RIMS1: variants seen among roughly 807,000 people sequenced by gnomAD.
RIMS1 encodes the protein regulating synaptic membrane exocytosis protein 1.
A neutral mutation model predicts 214.1 loss-of-function variants in RIMS1; 83 were observed. The observed-to-expected ratio is 0.39, with a 90% CI of 0.32 to 0.47. RIMS1 has a LOEUF of 0.47. Ranked by LOEUF, RIMS1 falls within the 20% of genes least tolerant of loss-of-function variation. RIMS1 has a pLI of 0.99. For synonymous variants in RIMS1, 793 were observed against 786.8 expected (o/e 1.01, Z -0.13); for missense variants, 2,050 against 2,161.8 (o/e 0.95, Z 1.03).
chr6:72,187,201 A>T (rs1484712484), intron 6 of RIMS1, among the ~76,000 whole-genome samples: 1 of 151,576 alleles, frequency 6.6e-6, no homozygotes, highest in African/African-American at 2.4e-5. Context: ...GAAGGAAGGG[A>T]GGGCTCATTT....
intron 6 of RIMS1, among the ~76,000 whole-genome samples, chr6:72,232,860 T>C (rs2062529195): frequency 6.6e-6 from 1 of 151,836 alleles, no homozygotes; most frequent in South Asian, 2.1e-4. Flanking sequence ...CCTATGATCT[T>C]TACAGGCATC....
At chr6:72,240,681 A>G (rs935407793) in intron 9 of RIMS1, among the ~76,000 whole-genome samples, 1 of 142,380 alleles carries the variant, frequency 7.0e-6, no homozygotes, top group Non-Finnish European at 1.5e-5. Context: ...TGCCTATTTG[A>G]AAAGCTTTTC....
intron 6 of RIMS1, among the ~76,000 whole-genome samples, chr6:72,228,879 TG>T (rs1241355378): frequency 6.6e-6 from 1 of 151,930 alleles, no homozygotes; most frequent in Non-Finnish European, 1.5e-5. Flanking sequence ...TTTCTCATTG[TG>T]GTTTTGATTT....
At chr6:72,219,417 AC>A (rs1232970530) in intron 6 of RIMS1, among the ~76,000 whole-genome samples, 6 of 152,160 alleles carry the variant, frequency 3.9e-5, no homozygotes, top group Admixed American at 6.5e-5. Flanking sequence ...TGGGTCAATT[AC>A]TTGCAGAAGT....
chr6:72,247,535 C>CA (rs10717559), intron 11 of RIMS1, among the ~76,000 whole-genome samples: 23,478 of 103,888 alleles, frequency 0.23, 2,806 homozygotes, highest in Non-Finnish European at 0.3. Flanking sequence ...AACTCTGTCT[C>CA]AAAAAAAAAA....
chr6:71,975,092 A>AT (rs1796816573), intron 2 of RIMS1, among the ~76,000 whole-genome samples: 2 of 152,192 alleles, frequency 1.3e-5, no homozygotes, highest in South Asian at 2.1e-4. Flanking sequence ...ATATCGAGAC[A>AT]TAAGTGTTAT....
chr6:72,005,220 A>G (rs1807016273), intron 2 of RIMS1, among the ~76,000 whole-genome samples: 2 of 152,184 alleles, frequency 1.3e-5, no homozygotes, highest in South Asian at 2.1e-4. Flanking sequence ...GTTCTGTTCC[A>G]TTGGTCTATA....
At chr6:72,183,379 G>A (rs2001428) in intron 6 of RIMS1, among the ~76,000 whole-genome samples, 1,710 of 152,210 alleles carry the variant, frequency 0.011, 10 homozygotes, top group Non-Finnish European at 0.017. Flanking sequence ...AAAGTTCTTG[G>A]TGATTTTGCA....
chr6:72,395,941 A>G (rs1418983646), intron 31 of RIMS1, among the ~76,000 whole-genome samples: 1 of 151,826 alleles, frequency 6.6e-6, no homozygotes, highest in Non-Finnish European at 1.5e-5. Context: ...AAAATGTAAC[A>G]ATAAAAATTA....
At chr6:72,268,876 A>C (rs546451751) in intron 22 of RIMS1, among the ~76,000 whole-genome samples, 12 of 152,312 alleles carry the variant, frequency 7.9e-5, no homozygotes, top group African/African-American at 2.9e-4. Flanking sequence ...TTTATTTGTA[A>C]TAAGAAATAA....
intron 2 of RIMS1, among the ~76,000 whole-genome samples, chr6:71,992,898 C>A (rs566933222): frequency 6.6e-6 from 1 of 152,144 alleles, no homozygotes. Context: ...TAGGCTCCAG[C>A]ACTCCACTGG....
chr6:72,271,647 G>A (rs1475356028), intron 22 of RIMS1, among the ~76,000 whole-genome samples: 2 of 152,032 alleles, frequency 1.3e-5, no homozygotes, highest in South Asian at 2.1e-4. Context: ...CAATGCCTGG[G>A]GGAGAGGGAA....
At chr6:72,029,793 T>C (rs998069909) in intron 2 of RIMS1, among the ~76,000 whole-genome samples, 2 of 152,150 alleles carry the variant, frequency 1.3e-5, no homozygotes, top group Non-Finnish European at 2.9e-5. Flanking sequence ...AAAATTAAGA[T>C]ATTAAGCAAT....
At chr6:72,101,937 A>G (rs905284811) in intron 4 of RIMS1, among the ~76,000 whole-genome samples, 10 of 151,994 alleles carry the variant, frequency 6.6e-5, no homozygotes, top group Admixed American at 5.2e-4. Flanking sequence ...GGCATATGTA[A>G]TGGTTGATAA....
At position 72,161,526 on chromosome 6, in the gene RIMS1, G is replaced by C. The variant is rs1385061110; in HGVS notation, c.472-18049G>C. 3.6e-5 allele frequency among the ~76,000 whole-genome samples: 5 copies of C among 140,158 alleles called. 1 individual carries two copies. Among genetic ancestry groups the C allele is most frequent in the Non-Finnish European group, 8.1e-5 (5 of 61,808 alleles). 91.9% of individuals were successfully genotyped at this position (140,158 alleles called of 152,430 possible). A position where few individuals can be genotyped will look rare whatever the true frequency, so the allele number is the denominator to read the frequency against. Reference sequence around the variant, plus strand: ...TCCTGCTTTCTCTTGTGGGCATTTAGTGCTATAAATTTCCCTCTAAACACT... The same window carrying C: ...TCCTGCTTTCTCTTGTGGGCATTTACTGCTATAAATTTCCCTCTAAACACT... On this transcript the variant is annotated intron_variant, in intron 4 of 33. Coordinates refer to ENST00000521978, the MANE Select transcript of RIMS1 (RefSeq NM_014989.7).
At chr6:71,986,106 A>G (rs551202152) in intron 2 of RIMS1, among the ~76,000 whole-genome samples, 2 of 152,094 alleles carry the variant, frequency 1.3e-5, no homozygotes, top group East Asian at 1.9e-4. Flanking sequence ...ATACTTGGGC[A>G]TACGTATACT....
intron 9 of RIMS1, among the ~76,000 whole-genome samples, chr6:72,239,517 T>C (rs2065779558): frequency 6.6e-6 from 1 of 152,208 alleles, no homozygotes; most frequent in Non-Finnish European, 1.5e-5. Flanking sequence ...TGACTAAATA[T>C]TTGCATTTAT....
intron 4 of RIMS1, among the ~76,000 whole-genome samples, chr6:72,135,627 C>G (rs2041158812): frequency 6.6e-6 from 1 of 152,100 alleles, no homozygotes; most frequent in African/African-American, 2.4e-5. Flanking sequence ...ATATCCAAAA[C>G]TGACGTGGAA....
At chr6:72,290,643 G>T (rs374090020) in intron 24 of RIMS1, 36 bp from the exon 25 acceptor site, 26 of 1,586,076 alleles carry the variant, frequency 1.6e-5, no homozygotes, top group Non-Finnish European at 2.2e-5. Flanking sequence ...ATGTGAACCT[G>T]CTGACTGAAG....
Sources: allele counts gnomAD v4.1 joint callset (sites outside exome capture counted in the v4.1 genomes callset), GRCh38; gene constraint gnomAD v4.1.1; transcripts MANE v1.5; gene names NCBI Gene and HGNC (gene_info 2026-07-23, HGNC 2026-07-21).